The following RAB38 variants were observed in gnomAD, a reference collection of about 807,000 sequenced individuals.
RAB38 encodes RAB38, member RAS oncogene family.
In RAB38, 15 loss-of-function variants were observed where a neutral mutation model predicts 18.4. The ratio of observed to expected loss-of-function variants is 0.82; its 90% CI spans 0.55 to 1.26. The LOEUF is 1.26. Ranked by LOEUF, RAB38 falls within the 50% of genes most tolerant of loss-of-function variation. The pLI, the probability that RAB38 is intolerant of heterozygous loss-of-function variation, is 0.00. For missense variants in RAB38, 294 were observed against 267.4 expected (o/e 1.10, Z -0.69); for synonymous variants, 101 against 104.4 (o/e 0.97, Z 0.20).
At chr11:87,976,608 T>TATTTTACATAATATATATA in the RAB38 span, among the ~76,000 whole-genome samples, 44,357 of 100,790 alleles carry the variant, frequency 0.44, 9,689 homozygotes, top group East Asian at 0.64. Context: ...TATAAATACA[T>TATTTTACATAATATATATA]ATTTTACATG....
the RAB38 span, among the ~76,000 whole-genome samples, chr11:88,074,077 G>T: frequency 6.6e-6 from 1 of 151,518 alleles, no homozygotes; most frequent in Non-Finnish European, 1.5e-5. Context: ...AATTACTGGT[G>T]TTTAAGAGAG....
the RAB38 span, among the ~76,000 whole-genome samples, chr11:87,823,269 T>A: frequency 0.021 from 3,238 of 152,156 alleles, 156 homozygotes; most frequent in East Asian, 0.18. Flanking sequence ...TTTTGAAAAA[T>A]CTAATTAAAT....
chr11:87,962,699 C>T, the RAB38 span, among the ~76,000 whole-genome samples: 2 of 152,104 alleles, frequency 1.3e-5, no homozygotes, highest in African/African-American at 2.4e-5. Flanking sequence ...AGCACTGAGA[C>T]GTCCCTGAAA....
At chr11:88,159,127 T>C (rs548540009) in intron 1 of RAB38, among the ~76,000 whole-genome samples, 3 of 151,680 alleles carry the variant, frequency 2.0e-5, no homozygotes, top group East Asian at 1.9e-4. Context: ...TAAAAATCAA[T>C]AGCATTTCTA....
rs200318169 is a variant in RAB38 at position 88,143,760 on chromosome 11, A to G, written c.483+5915T>C. Among the ~76,000 whole-genome samples, 6 of 152,342 alleles carry G rather than the reference A, an allele frequency of 3.9e-5. No individual in the cohort carries two copies. In the East Asian group the frequency reaches 1.2e-3, roughly 29 times the overall value. On this transcript the variant is annotated intron_variant, in intron 2 of 2. Transcript: ENST00000243662. ...TGAAAATATGAACCATGCAGAATAG[A>G]ATGACATATGCAACACCCTGCCTTC...
chr11:88,024,402 T>G, the RAB38 span, among the ~76,000 whole-genome samples: 1 of 152,242 alleles, frequency 6.6e-6, no homozygotes, highest in South Asian at 2.1e-4. Flanking sequence ...CTGGGGAAGA[T>G]ATGGAGAAAA....
the RAB38 span, among the ~76,000 whole-genome samples, chr11:87,977,844 T>C: frequency 1.9e-5 from 2 of 107,396 alleles, no homozygotes; most frequent in Non-Finnish European, 3.4e-5. Flanking sequence ...ATCATGTATA[T>C]TAATGGATAG....
chr11:88,043,841 G>T, the RAB38 span, among the ~76,000 whole-genome samples: 1 of 152,196 alleles, frequency 6.6e-6, no homozygotes, highest in African/African-American at 2.4e-5. Context: ...CCTCCCTTGG[G>T]AGATCAATCC....
chr11:87,971,885 T>C, the RAB38 span, among the ~76,000 whole-genome samples: 1 of 151,690 alleles, frequency 6.6e-6, no homozygotes, highest in African/African-American at 2.4e-5. Flanking sequence ...TTCATTGCTA[T>C]GCCCTCTTGA....
chr11:88,076,891 G>A, the RAB38 span, among the ~76,000 whole-genome samples: 31,520 of 145,290 alleles, frequency 0.22, 4,337 homozygotes, highest in Non-Finnish European at 0.3. Flanking sequence ...CCTGGAAAGC[G>A]GAGGTTGCAG....
At chr11:88,165,272 C>G (rs1193895676) in intron 1 of RAB38, among the ~76,000 whole-genome samples, 2 of 152,068 alleles carry the variant, frequency 1.3e-5, no homozygotes, top group Non-Finnish European at 2.9e-5. Context: ...GTGCATATCC[C>G]AGCATGACCT....
At chr11:88,161,096 G>A (rs1006681607) in intron 1 of RAB38, among the ~76,000 whole-genome samples, 1 of 152,020 alleles carries the variant, frequency 6.6e-6, no homozygotes, top group Admixed American at 6.6e-5. Flanking sequence ...ACTCTTATAT[G>A]CCCAAGAAAA....
At chr11:87,922,440 T>C in the RAB38 span, among the ~76,000 whole-genome samples, 2 of 152,064 alleles carry the variant, frequency 1.3e-5, no homozygotes, top group Admixed American at 6.6e-5. Flanking sequence ...TGTGGGAATA[T>C]TTTTAAATAC....
the RAB38 span, among the ~76,000 whole-genome samples, chr11:87,859,041 C>A: frequency 6.6e-6 from 1 of 151,302 alleles, no homozygotes; most frequent in Non-Finnish European, 1.5e-5. Flanking sequence ...TAAAAATAGC[C>A]TTTTGAATTA....
At chr11:87,939,283 T>C in the RAB38 span, among the ~76,000 whole-genome samples, 1 of 151,950 alleles carries the variant, frequency 6.6e-6, no homozygotes. Context: ...AATCCATTGA[T>C]ACATACACAC....
the RAB38 span, among the ~76,000 whole-genome samples, chr11:88,042,703 A>G: frequency 1.3e-5 from 2 of 152,202 alleles, no homozygotes; most frequent in Non-Finnish European, 2.9e-5. Context: ...AGTTTTCACT[A>G]GAGATCAAGC....
chr11:87,820,451 T>C, the RAB38 span, among the ~76,000 whole-genome samples: 1 of 152,172 alleles, frequency 6.6e-6, no homozygotes. Context: ...AAACCTAACA[T>C]AGTACTTGCC....
chr11:87,950,789 C>A, the RAB38 span, among the ~76,000 whole-genome samples: 2 of 152,170 alleles, frequency 1.3e-5, no homozygotes, highest in Non-Finnish European at 2.9e-5. Context: ...TTGTGGGTAA[C>A]CCGACCTTTC....
chr11:88,038,389 G>A, the RAB38 span, among the ~76,000 whole-genome samples: 9 of 152,124 alleles, frequency 5.9e-5, no homozygotes, highest in African/African-American at 2.2e-4. Context: ...CCTCTGGGAG[G>A]TAGATGGTAT....
Sources: gnomAD v4.1 joint callset for allele counts (sites outside exome capture counted in the v4.1 genomes callset) on GRCh38, gnomAD v4.1.1 for gene constraint, MANE v1.5 for transcripts, NCBI Gene and HGNC (gene_info 2026-07-23, HGNC 2026-07-21) for gene names.